Variants in PAQR5 observed in about 807,000 individuals in gnomAD.
PAQR5 encodes the protein membrane progestin receptor gamma.
In PAQR5, 20 loss-of-function variants were observed where a neutral mutation model predicts 34.5. The observed-to-expected ratio is 0.58, with a 90% CI of 0.41 to 0.84. The LOEUF (loss-of-function observed/expected upper bound fraction) is 0.84. PAQR5 is among the 40% of genes least tolerant of loss of function. The probability of loss-of-function intolerance (pLI) is 0.00; values close to 1 mark genes in which losing one functional copy is unlikely to be tolerated. For synonymous variants in PAQR5, 131 were observed against 155.6 expected (o/e 0.84, Z 1.18); for missense variants, 378 against 412.7 (o/e 0.92, Z 0.73).
At chr15:69,308,488 G>A (rs1206079802) in intron 1 of PAQR5, among the ~76,000 whole-genome samples, 1 of 152,074 alleles carries the variant, frequency 6.6e-6, no homozygotes, top group Non-Finnish European at 1.5e-5. Context: ...ACTGTCCTGT[G>A]CACTGCAGGA....
chr15:69,299,419 C>T (rs1488023049), intron 1 of PAQR5, among the ~76,000 whole-genome samples: 1 of 152,242 alleles, frequency 6.6e-6, no homozygotes, highest in East Asian at 1.9e-4. Flanking sequence ...CCCGCCGCCC[C>T]CACTTTAATA....
intron 6 of PAQR5, chr15:69,392,142 A>AT (rs112633523): frequency 3.0e-5 from 5 of 167,210 alleles, no homozygotes; most frequent in Admixed American, 1.3e-4. Flanking sequence ...GTTTTATTTT[A>AT]TTTTTTTTTG....
chr15:69,310,701 T>TTTATTA (rs1013746024), intron 1 of PAQR5, among the ~76,000 whole-genome samples: 1 of 151,726 alleles, frequency 6.6e-6, no homozygotes, highest in African/African-American at 2.4e-5. Context: ...TGGTCAACAA[T>TTTATTA]TTATTATTAT....
intron 5 of PAQR5, among the ~76,000 whole-genome samples, chr15:69,387,668 C>A (rs2056150080): frequency 6.6e-6 from 1 of 152,198 alleles, no homozygotes; most frequent in South Asian, 2.1e-4. Context: ...CTGTGCATGG[C>A]AGAGCCAGAG....
chr15:69,382,659 CATATATATATATAT>C (rs59064870), intron 4 of PAQR5, among the ~76,000 whole-genome samples: 4,011 of 90,974 alleles, frequency 0.044, 262 homozygotes, highest in Middle Eastern at 0.078. Context: ...AAAAAAAAAG[CATATATATATATAT>C]ATATATATAT....
At chr15:69,334,950 C>T (rs28851932) in intron 1 of PAQR5, among the ~76,000 whole-genome samples, 29,517 of 152,050 alleles carry the variant, frequency 0.19, 3,030 homozygotes, top group African/African-American at 0.26. Flanking sequence ...TGGCTGGGCG[C>T]GGTGGCTCAC....
intron 4 of PAQR5, among the ~76,000 whole-genome samples, chr15:69,382,376 G>A (rs1045943262): frequency 6.6e-6 from 1 of 152,100 alleles, no homozygotes; most frequent in Admixed American, 6.5e-5. Context: ...GCCGGGCGCA[G>A]TGGCTTATGC....
At chr15:69,375,222 C>T (rs1054920862) in intron 3 of PAQR5, among the ~76,000 whole-genome samples, 4 of 152,176 alleles carry the variant, frequency 2.6e-5, no homozygotes, top group Admixed American at 1.3e-4. Flanking sequence ...CTCTCCTTGG[C>T]TTACAGATGG....
At chr15:69,349,272 C>T (rs2054850415) in intron 2 of PAQR5, among the ~76,000 whole-genome samples, 2 of 152,144 alleles carry the variant, frequency 1.3e-5, no homozygotes, top group Admixed American at 1.3e-4. Context: ...TTCTGATTCT[C>T]CTCAGGACCC....
rs75476500 is a variant in PAQR5, at chr15:69,384,490, G to C, written c.180-187G>C. On this transcript the variant is annotated intron_variant, in intron 4 of 8. Transcript: ENST00000395407. ...GGGTGAGTGGGCCCTCCGTGTTCAT[G>C]GTGGAGGGTGAGTGGGCCCTCCGTG... 5.2e-3 allele frequency among the ~76,000 whole-genome samples: 129 copies of C among 24,764 alleles called. 28 individuals carry two copies. The highest frequency in any genetic ancestry group is 0.021 in the East Asian group (25 of 1,210). 16.2% of individuals were successfully genotyped at this position (24,764 alleles called of 152,430 possible).
At chr15:69,300,689 T>TCC (rs1199137047) in intron 1 of PAQR5, among the ~76,000 whole-genome samples, 1 of 3,484 alleles carries the variant, frequency 2.9e-4, no homozygotes, top group African/African-American at 5.6e-4. Flanking sequence ...CCTTCCTCCC[T>TCC]CCCTCTCTCT....
intron 2 of PAQR5, among the ~76,000 whole-genome samples, chr15:69,339,626 C>T (rs1022770890): frequency 6.6e-6 from 1 of 152,132 alleles, no homozygotes; most frequent in Non-Finnish European, 1.5e-5. Context: ...GTGCACACCA[C>T]CATGCCTGGC....
At chr15:69,351,612 A>G (rs1383824269) in intron 2 of PAQR5, among the ~76,000 whole-genome samples, 1 of 152,212 alleles carries the variant, frequency 6.6e-6, no homozygotes, top group Non-Finnish European at 1.5e-5. Flanking sequence ...TTTAGTTTGC[A>G]GGGCACTTGA....
At chr15:69,352,625 T>C (rs2054950721) in intron 2 of PAQR5, among the ~76,000 whole-genome samples, 2 of 152,216 alleles carry the variant, frequency 1.3e-5, no homozygotes, top group Middle Eastern at 3.4e-3. Context: ...TACCTGAAAA[T>C]GGACAGCTGC....
chr15:69,318,162 C>T (rs1450616568), intron 1 of PAQR5, among the ~76,000 whole-genome samples: 1 of 152,204 alleles, frequency 6.6e-6, no homozygotes, highest in Admixed American at 6.5e-5. Context: ...GAGCACCCAG[C>T]CAGCCTGAGC....
At chr15:69,367,855 T>C (rs1351191718) in intron 3 of PAQR5, among the ~76,000 whole-genome samples, 1 of 152,152 alleles carries the variant, frequency 6.6e-6, no homozygotes, top group Non-Finnish European at 1.5e-5. Flanking sequence ...TGGAAGTTAG[T>C]GGGCCTTTCA....
intron 3 of PAQR5, among the ~76,000 whole-genome samples, chr15:69,371,018 A>G (rs922340592): frequency 6.6e-6 from 1 of 152,260 alleles, no homozygotes; most frequent in African/African-American, 2.4e-5. Flanking sequence ...TTTATTCCAT[A>G]TAATTTATTT....
At chr15:69,378,910 C>T (rs184306050) in intron 3 of PAQR5, among the ~76,000 whole-genome samples, 1 of 152,198 alleles carries the variant, frequency 6.6e-6, no homozygotes, top group East Asian at 1.9e-4. Context: ...GGTTGGCCCC[C>T]ACAACAAACA....
At position 69,309,372 on chromosome 15, in the gene PAQR5, G is replaced by A. The variant is rs75182120; in HGVS notation, c.-277+10316G>A. On this transcript the variant is annotated intron_variant, in intron 1 of 8. Transcript: ENST00000395407. ...CTGTGGAGCACGAGTAAGTGCATGAGGACTGAGAAGTGCCTGGGGATTTTG... is the reference window on the plus strand; with the variant it reads ...CTGTGGAGCACGAGTAAGTGCATGAAGACTGAGAAGTGCCTGGGGATTTTG... 1.3e-3 allele frequency among the ~76,000 whole-genome samples: 201 copies of A among 152,304 alleles called. 2 individuals are homozygous for A. The highest frequency in any genetic ancestry group is 4.5e-3 in the African/African-American group (188 of 41,580).
Sources: allele counts gnomAD v4.1 joint callset (sites outside exome capture counted in the v4.1 genomes callset), GRCh38; gene constraint gnomAD v4.1.1; transcripts MANE v1.5; gene names NCBI Gene and HGNC (gene_info 2026-07-23, HGNC 2026-07-21).